STXBP4: variants seen among roughly 807,000 people sequenced by gnomAD.
The protein encoded by STXBP4 is syntaxin-binding protein 4.
Under a neutral mutation model 76.1 loss-of-function variants are expected in STXBP4, and 55 were observed. The observed-to-expected ratio is 0.72, with a 90% CI of 0.58 to 0.91. The LOEUF (loss-of-function observed/expected upper bound fraction) is 0.91, where lower values mean the gene tolerates loss of function less well. Ranked by LOEUF, STXBP4 falls within the 40% of genes least tolerant of loss-of-function variation. The pLI, the probability that STXBP4 is intolerant of heterozygous loss-of-function variation, is 0.00. For missense variants in STXBP4, 618 were observed against 636.9 expected (o/e 0.97, Z 0.32); for synonymous variants, 201 against 220.2 (o/e 0.91, Z 0.77).
At chr17:55,147,877 A>T (rs1396486126) in intron 17 of STXBP4, among the ~76,000 whole-genome samples, 1 of 152,168 alleles carries the variant, frequency 6.6e-6, no homozygotes, top group East Asian at 1.9e-4. Flanking sequence ...TCAACTGGAG[A>T]TGTCTGCCAT....
intron 16 of STXBP4, among the ~76,000 whole-genome samples, chr17:55,132,453 TG>T (rs1204285256): frequency 6.6e-6 from 1 of 152,182 alleles, no homozygotes; most frequent in African/African-American, 2.4e-5. Flanking sequence ...CCTCCCAAAA[TG>T]CTGGGATTAC....
intron 8 of STXBP4, among the ~76,000 whole-genome samples, chr17:55,014,594 G>A (rs1411887895): frequency 6.6e-6 from 1 of 152,104 alleles, no homozygotes; most frequent in Non-Finnish European, 1.5e-5. Context: ...TAATGGTCAA[G>A]CATACCCGGG....
At chr17:55,193,833 A>AAC in the STXBP4 span, among the ~76,000 whole-genome samples, 1 of 151,308 alleles carries the variant, frequency 6.6e-6, no homozygotes, top group African/African-American at 2.4e-5. Flanking sequence ...AAAAAAAAAA[A>AAC]ACGTAATTAA....
chr17:55,084,622 G>C (rs1366516238), intron 16 of STXBP4, among the ~76,000 whole-genome samples: 6 of 151,330 alleles, frequency 4.0e-5, no homozygotes, highest in African/African-American at 1.5e-4. Context: ...TAGGTCTAAC[G>C]TTTAAGTCTT....
At chr17:55,016,809 T>A (rs547823105) in intron 8 of STXBP4, among the ~76,000 whole-genome samples, 2 of 152,218 alleles carry the variant, frequency 1.3e-5, no homozygotes, top group Non-Finnish European at 2.9e-5. Context: ...CCCCATACTT[T>A]AAGATTTTTG....
chr17:55,099,930 A>G (rs1287534269), intron 16 of STXBP4, among the ~76,000 whole-genome samples: 1 of 152,176 alleles, frequency 6.6e-6, no homozygotes, highest in Non-Finnish European at 1.5e-5. Context: ...CACACCTTAT[A>G]GAAGGGGAAT....
chr17:55,000,528 T>A lies in STXBP4; in HGVS notation c.499-280T>A, dbSNP rs371370870. ...AACAGAGACAGAGTATAAGATTTTCTGTCAGCCCCTTATACTTTGTCACTT... is the reference window on the plus strand; with the variant it reads ...AACAGAGACAGAGTATAAGATTTTCAGTCAGCCCCTTATACTTTGTCACTT... On this transcript the variant is annotated intron_variant, in intron 6 of 17. Transcript: ENST00000376352. Among the ~76,000 whole-genome samples, 6 of 152,216 alleles carry A rather than the reference T, an allele frequency of 3.9e-5. No homozygotes were observed. In the East Asian group the frequency reaches 7.7e-4, roughly 20 times the overall value.
chr17:55,043,247 T>C lies in STXBP4; in HGVS notation c.867T>C (p.Cys289=). ...SNILDSQLLP[C]DSSEADEMER... ...TTTAATGTTGATAGCTTCTTCCTTG[T>C]GATTCTTCAGAAGCAGATGAAATGG... The change falls in exon 11 of 18, where the codon TGT becomes TGC. Residue 289 remains cysteine, a synonymous_variant. Transcript: ENST00000376352. 6.6e-7 allele frequency: 1 copy of C among 1,506,094 alleles called. No individual in the cohort carries two copies. The highest frequency in any genetic ancestry group is 8.9e-7 in the Non-Finnish European group (1 of 1,128,176). The allele number at this position is 1,506,094 out of a possible 1,614,324, so 93.3% of individuals were successfully genotyped here.
At chr17:54,968,851 A>G (rs746752041) in intron 1 of STXBP4, 36 bp downstream of exon 1, 1 of 563,502 alleles carries the variant, frequency 1.8e-6, no homozygotes, top group Non-Finnish European at 3.2e-6. Context: ...TGTTACTCCC[A>G]CTTCGCTTCT....
At chr17:55,125,839 A>G (rs1437279430) in intron 16 of STXBP4, among the ~76,000 whole-genome samples, 2 of 152,190 alleles carry the variant, frequency 1.3e-5, no homozygotes, top group Admixed American at 1.3e-4. Flanking sequence ...TTTCTGGCCT[A>G]TAGAACTAGC....
intron 4 of STXBP4, among the ~76,000 whole-genome samples, chr17:54,999,021 G>C (rs993380548): frequency 1.3e-5 from 2 of 152,056 alleles, no homozygotes. Context: ...CACAGAGTCA[G>C]AGCTTTATCA....
chr17:54,985,264 C>T (rs1185568570), intron 1 of STXBP4, among the ~76,000 whole-genome samples: 1 of 152,134 alleles, frequency 6.6e-6, no homozygotes, highest in East Asian at 1.9e-4. Flanking sequence ...CAAATGAGAA[C>T]CCAGGCCTAT....
intron 16 of STXBP4, among the ~76,000 whole-genome samples, chr17:55,127,507 A>G (rs1050874609): frequency 6.6e-6 from 1 of 152,220 alleles, no homozygotes; most frequent in Non-Finnish European, 1.5e-5. Context: ...ATGGATTTAA[A>G]TGATTAAATT....
chr17:55,075,817 A>T (rs909577920), intron 13 of STXBP4, among the ~76,000 whole-genome samples: 9 of 152,224 alleles, frequency 5.9e-5, no homozygotes, highest in African/African-American at 2.2e-4. Flanking sequence ...ATGAGAGCTG[A>T]TTGCATGCAT....
At chr17:55,135,810 A>G (rs1338094402) in intron 16 of STXBP4, among the ~76,000 whole-genome samples, 1 of 152,168 alleles carries the variant, frequency 6.6e-6, no homozygotes, top group Non-Finnish European at 1.5e-5. Flanking sequence ...AATAATGCAC[A>G]AATTGAGACG....
intron 8 of STXBP4, among the ~76,000 whole-genome samples, chr17:55,023,586 C>T (rs141614766): frequency 5.3e-5 from 8 of 152,154 alleles, no homozygotes; most frequent in Admixed American, 5.2e-4. Flanking sequence ...GATTTGGGAG[C>T]ATTTTCGATT....
At chr17:55,182,983 GAAT>G in the STXBP4 span, among the ~76,000 whole-genome samples, 1 of 151,782 alleles carries the variant, frequency 6.6e-6, no homozygotes, top group Non-Finnish European at 1.5e-5. Context: ...ATGAAAGAAA[GAAT>G]AAAAATCAAA....
intron 1 of STXBP4, among the ~76,000 whole-genome samples, chr17:54,974,574 A>G (rs1325510558): frequency 6.6e-6 from 1 of 152,238 alleles, no homozygotes; most frequent in African/African-American, 2.4e-5. Flanking sequence ...AGCTTCATGA[A>G]AATATGACCT....
In STXBP4 at chr17:55,168,486, G is replaced by A. The variant is rs1322322431; in HGVS notation, c.*8575G>A. The A allele has an allele frequency of 6.6e-6, 1 of 151,802 alleles. No individual in the cohort carries two copies. Among genetic ancestry groups the A allele is most frequent in the Non-Finnish European group, 1.5e-5 (1 of 67,952 alleles). The allele number at this position is 151,802 out of a possible 1,614,324, so 9.4% of individuals were successfully genotyped here. On this transcript the variant is annotated 3_prime_UTR_variant, in exon 18 of 18. Coordinates refer to ENST00000376352, the MANE Select transcript of STXBP4 (RefSeq NM_178509.6). ...CCAATTAGTATTTCATCAGTTATAA[G>A]ACCCATCATTATTTTGTGTGTAACT...
Sources: gnomAD v4.1 joint callset for allele counts (sites outside exome capture counted in the v4.1 genomes callset) on GRCh38, gnomAD v4.1.1 for gene constraint, MANE v1.5 for transcripts, NCBI Gene and HGNC (gene_info 2026-07-23, HGNC 2026-07-21) for gene names.